The following ZNRF1 variants were observed in gnomAD, a reference collection of about 807,000 sequenced individuals.
ZNRF1 encodes the protein E3 ubiquitin-protein ligase ZNRF1.
Under a neutral mutation model 18.4 loss-of-function variants are expected in ZNRF1, and 3 were observed. That is an observed-to-expected ratio of 0.16 (90% confidence interval 0.07 to 0.42). The LOEUF (loss-of-function observed/expected upper bound fraction) is 0.42. Among genes scored for constraint, ZNRF1 ranks in the 10% least tolerant of loss-of-function variants. The pLI is 0.99. For synonymous variants in ZNRF1, 157 were observed against 144.2 expected, an observed-to-expected ratio of 1.09 and a Z score of -0.64; for missense variants, 310 against 329.8, an observed-to-expected ratio of 0.94 and a Z score of 0.47.
chr16:75,059,004 C>G (rs974995845), intron 1 of ZNRF1, among the ~76,000 whole-genome samples: 1 of 152,026 alleles, frequency 6.6e-6, no homozygotes, highest in Non-Finnish European at 1.5e-5. Context: ...GCCTTGATCC[C>G]CAGCTGTGTG....
chr16:75,095,348 G>GT (rs2036185216), intron 2 of ZNRF1, among the ~76,000 whole-genome samples: 2 of 152,044 alleles, frequency 1.3e-5, no homozygotes, highest in Admixed American at 6.5e-5. Flanking sequence ...TGTCACATGT[G>GT]CTGCAGGCTT....
intron 1 of ZNRF1, among the ~76,000 whole-genome samples, chr16:75,075,180 C>T (rs2035923648): frequency 6.6e-6 from 1 of 152,206 alleles, no homozygotes; most frequent in Non-Finnish European, 1.5e-5. Flanking sequence ...GCTGTCCTAG[C>T]TGTCTGTGAC....
intron 1 of ZNRF1, among the ~76,000 whole-genome samples, chr16:75,032,852 A>G (rs1597869791): frequency 6.6e-6 from 1 of 152,170 alleles, no homozygotes; most frequent in South Asian, 2.1e-4. Context: ...CTGTCTCTAC[A>G]AAAATTAAAA....
chr16:75,086,076 T>C (rs1014508636), intron 1 of ZNRF1, among the ~76,000 whole-genome samples: 2 of 152,038 alleles, frequency 1.3e-5, no homozygotes, highest in African/African-American at 4.8e-5. Context: ...TTCTCCTCTT[T>C]GCCTTTTGAT....
At chr16:75,094,202 G>T (rs373199064) in intron 2 of ZNRF1, among the ~76,000 whole-genome samples, 47 of 152,208 alleles carry the variant, frequency 3.1e-4, no homozygotes, top group African/African-American at 1.1e-3. Flanking sequence ...CTTGACGGGG[G>T]ACTATGTGTG....
At chr16:75,084,728 GTTC>G (rs1189950057) in intron 1 of ZNRF1, 2 of 152,262 alleles carry the variant, frequency 1.3e-5, no homozygotes, top group African/African-American at 4.8e-5. Context: ...TGCCCTCACT[GTTC>G]TTCTAATACA....
intron 1 of ZNRF1, among the ~76,000 whole-genome samples, chr16:75,004,507 T>C (rs2034892813): frequency 6.6e-6 from 1 of 152,234 alleles, no homozygotes; most frequent in South Asian, 2.1e-4. Flanking sequence ...TTCACCTTCT[T>C]AGTCATATGT....
At position 75,110,400 on chromosome 16, in the gene ZNRF1, C is replaced by G. The variant is rs969701016; in HGVS notation, c.*2700C>G. The stretch of plus-strand genomic sequence containing the variant: ...CCCTCTCTGCTAAGGGCCTAGCACA[C>G]TTTGATGAGGTTCCTGGACGTGAGA... On this transcript the variant is annotated 3_prime_UTR_variant, in exon 5 of 5. Coordinates refer to ENST00000335325, the MANE Select transcript of ZNRF1 (RefSeq NM_032268.5). 1 of 152,244 alleles carries G rather than the reference C, an allele frequency of 6.6e-6. No individual in the cohort carries two copies. The highest frequency in any genetic ancestry group is 1.5e-5 in the Non-Finnish European group (1 of 68,060). 9.4% of individuals were successfully genotyped at this position (152,244 alleles called of 1,614,324 possible). A position where few individuals can be genotyped will look rare whatever the true frequency, so the allele number is the denominator to read the frequency against.
Position 75,000,228 on chromosome 16 carries a change from A to G in ZNRF1, c.424+133A>G, listed in dbSNP as rs768618512. On this transcript the variant is annotated intron_variant, in intron 1 of 4. Coordinates refer to ENST00000335325, the MANE Select transcript of ZNRF1 (RefSeq NM_032268.5). ...TGCATTCCCTTTGGTTCCCGATGCCAAGGGATAAATGGGATACCTACCGTC... is the reference window on the plus strand; with the variant it reads ...TGCATTCCCTTTGGTTCCCGATGCCGAGGGATAAATGGGATACCTACCGTC... 3 of 1,263,614 alleles carry G rather than the reference A, an allele frequency of 2.4e-6. No homozygotes were observed. In the African/African-American group the frequency reaches 4.4e-5, roughly 19 times the overall value. The allele number at this position is 1,263,614 out of a possible 1,614,324, so 78.3% of individuals were successfully genotyped here. A position where few individuals can be genotyped will look rare whatever the true frequency, so the allele number is the denominator to read the frequency against.
chr16:75,000,604 T>G (rs561052109), intron 1 of ZNRF1, among the ~76,000 whole-genome samples: 2 of 152,348 alleles, frequency 1.3e-5, no homozygotes, highest in Admixed American at 6.5e-5. Context: ...TTTGCCACCC[T>G]GCTGGAGATC....
intron 1 of ZNRF1, among the ~76,000 whole-genome samples, chr16:75,059,229 C>CTTTTTTTTTTTTTTCTTTTTTTTTTTT (rs2035709085): frequency 3.2e-5 from 3 of 92,878 alleles, no homozygotes; most frequent in East Asian, 3.9e-4. Flanking sequence ...TTCTTTCTTT[C>CTTTTTTTTTTTTTTCTTTTTTTTTTTT]TTTTTTTTTT....
intron 1 of ZNRF1, among the ~76,000 whole-genome samples, chr16:75,028,521 C>G (rs909083440): frequency 6.6e-5 from 10 of 152,266 alleles, no homozygotes; most frequent in African/African-American, 2.2e-4. Context: ...TCTCGAACTT[C>G]TGACCTCAAG....
intron 3 of ZNRF1, chr16:75,105,706 C>T (rs2036307576): frequency 6.6e-6 from 1 of 152,260 alleles, no homozygotes; most frequent in African/African-American, 2.4e-5. Flanking sequence ...GCGGCACTAA[C>T]CAGAACCAGA....
intron 1 of ZNRF1, among the ~76,000 whole-genome samples, chr16:75,042,820 C>T (rs1195818373): frequency 6.6e-6 from 1 of 152,156 alleles, no homozygotes; most frequent in African/African-American, 2.4e-5. Flanking sequence ...CTTGTGACCT[C>T]TCACAGAGGG....
chr16:75,091,439 C>CG (rs2036138630), intron 1 of ZNRF1, among the ~76,000 whole-genome samples: 1 of 151,516 alleles, frequency 6.6e-6, no homozygotes, highest in African/African-American at 2.4e-5. Context: ...GAAAATTTGA[C>CG]TAACACAAGA....
At chr16:75,033,036 C>CT (rs1190217078) in intron 1 of ZNRF1, among the ~76,000 whole-genome samples, 1 of 152,086 alleles carries the variant, frequency 6.6e-6, no homozygotes, top group African/African-American at 2.4e-5. Context: ...TTTAAGGGTA[C>CT]TATTGGCAAT....
At chr16:75,073,387 C>T (rs964304779) in intron 1 of ZNRF1, among the ~76,000 whole-genome samples, 4 of 152,016 alleles carry the variant, frequency 2.6e-5, no homozygotes, top group African/African-American at 7.2e-5. Context: ...TATTGCTGGT[C>T]TCACTGGTCT....
intron 1 of ZNRF1, among the ~76,000 whole-genome samples, chr16:75,063,139 C>T (rs868344641): frequency 3.3e-5 from 5 of 152,180 alleles, no homozygotes; most frequent in African/African-American, 7.2e-5. Context: ...CAGAGTCATG[C>T]GAGTGGTTAG....
intron 1 of ZNRF1, among the ~76,000 whole-genome samples, chr16:75,091,041 G>A (rs12926304): frequency 0.3 from 44,897 of 151,902 alleles, 7,914 homozygotes; most frequent in East Asian, 0.63. Context: ...GTGAGACACC[G>A]CACCCAGCCA....
Sources: allele counts gnomAD v4.1 joint callset (sites outside exome capture counted in the v4.1 genomes callset), GRCh38; gene constraint gnomAD v4.1.1; transcripts MANE v1.5; gene names NCBI Gene and HGNC (gene_info 2026-07-23, HGNC 2026-07-21).